The following CYFIP1 variants were observed in gnomAD, a reference collection of about 807,000 sequenced individuals.
CYFIP1 encodes cytoplasmic FMR1-interacting protein 1.
CYFIP1 carries 58 observed loss-of-function variants against 163.5 expected under a neutral mutation model. The observed-to-expected ratio is 0.35, with a 90% confidence interval of 0.29 to 0.44. The LOEUF (loss-of-function observed/expected upper bound fraction) is 0.44, where lower values mean the gene tolerates loss of function less well. Ranked by LOEUF, CYFIP1 falls within the 20% of genes least tolerant of loss-of-function variation. CYFIP1 has a pLI of 1.00. For missense variants in CYFIP1, 1,338 were observed against 1,653.8 expected, an observed-to-expected ratio of 0.81 and a Z score of 3.31; for synonymous variants, 663 against 660.7, an observed-to-expected ratio of 1.00 and a Z score of -0.05.
Position 22,881,866 on chromosome 15 carries a change from CG to C in CYFIP1, c.2890del (p.Arg964GlyfsTer17). On this transcript the variant is annotated frameshift_variant, in exon 25 of 31. Transcript: ENST00000617928. LOFTEE classifies it high-confidence loss of function. ...EVMPKICRLPRHEYGSPGILE... is the reference protein window; with the variant it reads ...EVMPKICRLPXHEYGSPGILE... ...CTCACCAGGAGAGCCGTACTCGTGC[CG>C]GGGCAGGCGGCAGATCTTGGGCATC... The C allele has an allele frequency of 6.2e-7, 1 of 1,611,616 alleles. No individual in the cohort carries two copies.
intron 1 of CYFIP1, among the ~76,000 whole-genome samples, chr15:22,977,174 G>A (rs1309359746): frequency 1.3e-5 from 2 of 151,958 alleles, no homozygotes. Flanking sequence ...ACTCTAGCCT[G>A]GGCAACAAGA....
chr15:22,886,195 C>G (rs2059922525), intron 23 of CYFIP1, among the ~76,000 whole-genome samples: 1 of 152,144 alleles, frequency 6.6e-6, no homozygotes, highest in African/African-American at 2.4e-5. Flanking sequence ...CAATCACCTC[C>G]CACCAGGTCC....
intron 1 of CYFIP1, among the ~76,000 whole-genome samples, chr15:22,952,280 A>G (rs532989011): frequency 1.4e-4 from 21 of 152,136 alleles, no homozygotes; most frequent in Admixed American, 5.9e-4. Context: ...GCTTGGAAAG[A>G]TGAAACGCTC....
intron 1 of CYFIP1, among the ~76,000 whole-genome samples, chr15:22,953,740 T>A (rs1321279184): frequency 6.6e-6 from 1 of 152,210 alleles, no homozygotes; most frequent in East Asian, 1.9e-4. Context: ...CCGGTGCTAC[T>A]AGCCAGCACT....
rs1043615762 is a variant in CYFIP1 at position 22,917,719 on chromosome 15, C to T, written c.1674+69G>A. The stretch of plus-strand genomic sequence containing the variant: ...TCATTTAACCCGGGCCTCACCAGCC[C>T]CACCCGCTCACAGCTCAGGGTGGGT... On this transcript the variant is annotated intron_variant, in intron 15 of 30. Transcript: ENST00000617928. This position sits in a 1 kb window ranked among gnomAD's most constrained non-coding sequence, Gnocchi z 4.2. The T allele has an allele frequency of 6.7e-7, 1 of 1,500,260 alleles. No homozygotes were observed. The highest frequency in any genetic ancestry group is 8.9e-7 in the Non-Finnish European group (1 of 1,125,634). 92.9% of individuals were successfully genotyped at this position (1,500,260 alleles called of 1,614,324 possible). A position where few individuals can be genotyped will look rare whatever the true frequency, so the allele number is the denominator to read the frequency against.
chr15:22,915,216 C>CA, intron 16 of CYFIP1: 1 of 203,218 alleles, frequency 4.9e-6, no homozygotes, highest in Non-Finnish European at 9.7e-6. Context: ...CTGCAGCCTT[C>CA]AACTCCTGGG....
intron 22 of CYFIP1, among the ~76,000 whole-genome samples, chr15:22,898,991 G>T (rs373216202): frequency 1.3e-5 from 2 of 151,280 alleles, no homozygotes; most frequent in African/African-American, 4.9e-5. Context: ...GACAGCATGA[G>T]ACTCTGTCTA....
chr15:22,975,728 T>C (rs1181527842), intron 1 of CYFIP1, among the ~76,000 whole-genome samples: 3 of 152,174 alleles, frequency 2.0e-5, no homozygotes, highest in Non-Finnish European at 2.9e-5. Context: ...CATTGCACTC[T>C]ATCCTGGGCA....
intron 1 of CYFIP1, among the ~76,000 whole-genome samples, chr15:22,963,688 C>T (rs770110304): frequency 3.9e-5 from 6 of 152,264 alleles, no homozygotes; most frequent in African/African-American, 1.4e-4. Context: ...CCTATGGCCC[C>T]GGGCAGGCTG....
intron 1 of CYFIP1, among the ~76,000 whole-genome samples, chr15:22,963,196 T>C (rs1237017821): frequency 1.3e-5 from 2 of 152,130 alleles, no homozygotes; most frequent in South Asian, 2.1e-4. Context: ...TTTGTATAAG[T>C]TTGAAGTTAT....
chr15:22,944,480 A>G (rs1470516943), intron 5 of CYFIP1, 78 bp downstream of exon 5: 1 of 931,724 alleles, frequency 1.1e-6, no homozygotes, highest in Non-Finnish European at 1.7e-6. Context: ...GGGTGTTCAC[A>G]GTGACAGTGA....
rs2063426197 is a variant in CYFIP1, at chr15:22,980,082, G to A, written c.-7+205C>T. On this transcript the variant is annotated intron_variant, in intron 1 of 30. Transcript: ENST00000617928. The stretch of plus-strand genomic sequence containing the variant: ...TGCGGGGACCTGGAGCCCGGGAGGC[G>A]CGGGAGCCCGGGGCCGGGACCTGGG... Among the ~76,000 whole-genome samples the A allele has an allele frequency of 2.0e-5, 3 of 151,162 alleles. No individual in the cohort carries two copies. In the South Asian group the frequency reaches 6.3e-4, roughly 32 times the overall value.
At position 22,939,156 on chromosome 15, in the gene CYFIP1, C is replaced by T. The variant is rs374984110; in HGVS notation, c.795+36G>A. The T allele has an allele frequency of 3.4e-5, 55 of 1,613,038 alleles. 1 individual carries two copies. The highest frequency in any genetic ancestry group is 6.7e-5 in the East Asian group (3 of 44,888). ...TATTGACAAGAGTAAGGCTGTCCCT[C>T]GGCAGTGCCACGGGCTAGCGTCCCC... is the stretch of plus-strand genomic sequence containing the variant. On this transcript the variant is annotated intron_variant, in intron 8 of 30. Transcript: ENST00000617928.
intron 1 of CYFIP1, among the ~76,000 whole-genome samples, chr15:22,960,322 C>T (rs555742982): frequency 6.6e-6 from 1 of 152,238 alleles, no homozygotes; most frequent in Non-Finnish European, 1.5e-5. Flanking sequence ...ACAGGTCCCA[C>T]GCAGTGGGGT....
Position 22,880,569 on chromosome 15 carries a change from G to A in CYFIP1, c.2912-526C>T, listed in dbSNP as rs144282335. On this transcript the variant is annotated intron_variant, in intron 25 of 30. Transcript: ENST00000617928. ...AATAAGGCACAAAAAGACGCAAGGTGCAAATATGGGACAGAAGGCCAACGT... is the reference window on the plus strand; with the variant it reads ...AATAAGGCACAAAAAGACGCAAGGTACAAATATGGGACAGAAGGCCAACGT... 3.5e-3 allele frequency among the ~76,000 whole-genome samples: 527 copies of A among 152,330 alleles called. 2 individuals are homozygous for A. Among genetic ancestry groups the A allele is most frequent in the Non-Finnish European group, 3.4e-3 (230 of 68,028 alleles).
chr15:22,928,652 A>T (rs28439038), intron 11 of CYFIP1, among the ~76,000 whole-genome samples: 54,395 of 152,096 alleles, frequency 0.36, 10,502 homozygotes, highest in African/African-American at 0.5. Flanking sequence ...GCTTCTATCA[A>T]ATAACCACCC....
chr15:22,955,231 G>A (rs2062404071), intron 1 of CYFIP1, among the ~76,000 whole-genome samples: 1 of 152,222 alleles, frequency 6.6e-6, no homozygotes, highest in African/African-American at 2.4e-5. Context: ...GGTCCTCACA[G>A]CTGCCTTAAG....
chr15:22,928,051 C>G, intron 11 of CYFIP1, 23 bp from the exon 12 acceptor site: 1 of 1,488,268 alleles, frequency 6.7e-7, no homozygotes, highest in Non-Finnish European at 8.9e-7. Context: ...GGCACGGCCC[C>G]GTGAGAAACC....
chr15:22,944,457 G>A (rs1367401475), intron 5 of CYFIP1, 101 bp downstream of exon 5: 3 of 766,970 alleles, frequency 3.9e-6, no homozygotes, highest in Non-Finnish European at 6.5e-6. Context: ...TTAATTTGCA[G>A]GCACTCTGTT....
Sources: allele counts gnomAD v4.1 joint callset (sites outside exome capture counted in the v4.1 genomes callset), GRCh38; gene constraint gnomAD v4.1.1; non-coding constraint Gnocchi (gnomAD v3.1); transcripts MANE v1.5; gene names NCBI Gene and HGNC (gene_info 2026-07-23, HGNC 2026-07-21).